The following CROT variants were observed in gnomAD, a reference collection of about 807,000 sequenced individuals.
CROT encodes peroxisomal carnitine O-octanoyltransferase.
Under a neutral mutation model 89.2 loss-of-function variants are expected in CROT, and 84 were observed. The ratio of observed to expected loss-of-function variants is 0.94; its 90% CI spans 0.79 to 1.13. The LOEUF is 1.13. Ranked by LOEUF, CROT falls within the 50% of genes most tolerant of loss-of-function variation. CROT has a pLI of 0.00. For missense variants in CROT, 711 were observed against 727.8 expected (o/e 0.98, Z 0.27); for synonymous variants, 212 against 239.5 (o/e 0.89, Z 1.06).
intron 9 of CROT, among the ~76,000 whole-genome samples, chr7:87,377,120 A>G (rs926384817): frequency 5.9e-5 from 9 of 152,120 alleles, no homozygotes; most frequent in Admixed American, 1.3e-4. Flanking sequence ...CTTTTCTGGT[A>G]GGATTTTCTT....
intron 7 of CROT, among the ~76,000 whole-genome samples, chr7:87,372,077 C>A (rs189922484): frequency 6.7e-6 from 1 of 149,718 alleles, no homozygotes; most frequent in African/African-American, 2.5e-5. Flanking sequence ...CATTGTTGTT[C>A]GAATTGGCAT....
chr7:87,345,771 C>A lies in CROT; in HGVS notation c.-113+4C>A, dbSNP rs1452380574. The A allele has an allele frequency of 3.4e-6, 1 of 290,912 alleles. No homozygotes were observed. The highest frequency in any genetic ancestry group is 1.7e-4 in the South Asian group (1 of 6,048). 18.0% of individuals were successfully genotyped at this position (290,912 alleles called of 1,614,324 possible). On this transcript the variant is annotated splice_donor_region_variant and intron_variant, in intron 1 of 17. Transcript: ENST00000331536. ...CGCGGGCGGTGAGGACGGACAGGTCCGTTGAAGCAGCATTCCCTCCCTCCC... is the reference window on the plus strand; with the variant it reads ...CGCGGGCGGTGAGGACGGACAGGTCAGTTGAAGCAGCATTCCCTCCCTCCC...
chr7:87,367,932 C>T (rs1468789472), intron 6 of CROT, among the ~76,000 whole-genome samples: 1 of 152,178 alleles, frequency 6.6e-6, no homozygotes, highest in African/African-American at 2.4e-5. Flanking sequence ...AATCTGTTCT[C>T]CATGTAACAG....
At chr7:87,373,292 T>G (rs1806698493) in intron 7 of CROT, among the ~76,000 whole-genome samples, 1 of 152,164 alleles carries the variant, frequency 6.6e-6, no homozygotes, top group Non-Finnish European at 1.5e-5. Context: ...AGTTTGTTTT[T>G]TTATTATTGA....
intron 3 of CROT, among the ~76,000 whole-genome samples, chr7:87,358,173 G>A (rs1211912560): frequency 6.6e-6 from 1 of 152,062 alleles, no homozygotes. Flanking sequence ...GCTGACCCAT[G>A]TGTATTAGAA....
intron 3 of CROT, among the ~76,000 whole-genome samples, 156 bp from the exon 4 acceptor site, chr7:87,359,050 A>G (rs1325219472): frequency 2.0e-5 from 3 of 152,124 alleles, no homozygotes; most frequent in Non-Finnish European, 2.9e-5. Context: ...CGCCACTTTC[A>G]TGTTGTCAAC....
chr7:87,372,235 A>T lies in CROT; in HGVS notation c.656+2751A>T, dbSNP rs79346825. Among the ~76,000 whole-genome samples the T allele has an allele frequency of 9.2e-3, 1,397 of 152,272 alleles. 48 individuals carry two copies. Among genetic ancestry groups the T allele is most frequent in the Admixed American group, 0.064 (981 of 15,302 alleles). On this transcript the variant is annotated intron_variant, in intron 7 of 17. Coordinates refer to ENST00000331536, the MANE Select transcript of CROT (RefSeq NM_021151.4). The stretch of plus-strand genomic sequence containing the variant: ...TAGCAATTATTTATATAGTCTCTAC[A>T]TTAATCTTTTATACATTATGTGTGT...
chr7:87,376,204 T>C lies in CROT; in HGVS notation c.876+251T>C, dbSNP rs116127749. Among the ~76,000 whole-genome samples the C allele has an allele frequency of 3.7e-3, 567 of 152,248 alleles. 3 individuals are homozygous for C. Among genetic ancestry groups the C allele is most frequent in the African/African-American group, 0.013 (538 of 41,564 alleles). ...AAGAAGTATGACTTTGCATATCACA[T>C]ATCAGTGTTGCTCAACCTTTTCATT... is the stretch of plus-strand genomic sequence containing the variant. On this transcript the variant is annotated intron_variant, in intron 9 of 17. Coordinates refer to ENST00000331536, the MANE Select transcript of CROT (RefSeq NM_021151.4).
chr7:87,384,271 C>T (rs1487437604), intron 13 of CROT, among the ~76,000 whole-genome samples: 1 of 152,192 alleles, frequency 6.6e-6, no homozygotes, highest in Admixed American at 6.5e-5. Context: ...ATGGCTCACA[C>T]CTGTAGTCCC....
chr7:87,379,124 G>C (rs1264671045), intron 10 of CROT, among the ~76,000 whole-genome samples: 1 of 152,102 alleles, frequency 6.6e-6, no homozygotes, highest in Non-Finnish European at 1.5e-5. Context: ...TTTGTAAGGT[G>C]GTTAACTGCC....
rs1251118057 is a variant in CROT at position 87,392,954 on chromosome 7, A to T, written c.1605A>T (p.Gly535=). ...CTTTTATTGTGCCACACAGCGGAGG[A>T]GGTGGAAATTTTGTTCTCTCAACAA... ...FTDPLFSKSG[G]GGNFVLSTSL... is the part of the protein sequence containing the mutation. Residue 535 remains glycine (G), a synonymous_variant, in exon 17 of 18, where the codon GGA becomes GGT. Coordinates refer to ENST00000331536, the MANE Select transcript of CROT (RefSeq NM_021151.4). 1 of 1,613,584 alleles carries T rather than the reference A, an allele frequency of 6.2e-7. No homozygotes were observed.
chr7:87,392,218 A>G (rs1330400623), intron 14 of CROT, among the ~76,000 whole-genome samples: 1 of 152,130 alleles, frequency 6.6e-6, no homozygotes, highest in Non-Finnish European at 1.5e-5. Context: ...GTGGTTATAT[A>G]TGAGTGCCTG....
intron 13 of CROT, 109 bp downstream of exon 13, chr7:87,382,652 G>C (rs919215804): frequency 2.7e-6 from 3 of 1,097,056 alleles, no homozygotes; most frequent in South Asian, 1.6e-5. Context: ...TTTTTTCCCA[G>C]CTGGTACTGT....
At chr7:87,392,516 T>G in intron 14 of CROT, 50 bp from the exon 15 acceptor site, 1 of 1,419,254 alleles carries the variant, frequency 7.0e-7, no homozygotes, top group Non-Finnish European at 9.8e-7. Context: ...TTTTTTCTAG[T>G]TGGGTTTTGC....
intron 10 of CROT, 79 bp from the exon 11 acceptor site, chr7:87,381,831 C>A: frequency 1.1e-6 from 1 of 945,282 alleles, no homozygotes; most frequent in Non-Finnish European, 1.6e-6. Flanking sequence ...TAAGAATGGA[C>A]ACAAAGTGAA....
Position 87,381,858 on chromosome 7 carries a change from A to G in CROT, c.979-52A>G, listed in dbSNP as rs1205093167. The G allele has an allele frequency of 1.2e-5, 15 of 1,264,998 alleles. No individual in the cohort carries two copies. The East Asian group carries it at 3.3e-4, about 28-fold the overall frequency. The allele number at this position is 1,264,998 out of a possible 1,614,324, so 78.4% of individuals were successfully genotyped here. The stretch of plus-strand genomic sequence containing the variant: ...CAAAGTGAAAATAAAATATTGGGTC[A>G]AGTTTTAAGTTGACATAAAGTATTC... On this transcript the variant is annotated intron_variant, in intron 10 of 17. Transcript: ENST00000331536.
chr7:87,389,821 T>A (rs1248958317), intron 13 of CROT, among the ~76,000 whole-genome samples: 1 of 71,360 alleles, frequency 1.4e-5, no homozygotes, highest in African/African-American at 3.1e-5. Context: ...AAATCCAGTT[T>A]TTGTTGTTGT....
intron 2 of CROT, among the ~76,000 whole-genome samples, chr7:87,347,820 G>A (rs1805738024): frequency 6.6e-6 from 1 of 152,100 alleles, no homozygotes. Flanking sequence ...TACCTAGCAG[G>A]TAGTAAAAAG....
intron 6 of CROT, among the ~76,000 whole-genome samples, chr7:87,363,939 A>T (rs1478722866): frequency 6.6e-6 from 1 of 152,180 alleles, no homozygotes; most frequent in African/African-American, 2.4e-5. Flanking sequence ...GTTGTAAGAT[A>T]TAAGAGAAAA....
Sources: allele counts gnomAD v4.1 joint callset (sites outside exome capture counted in the v4.1 genomes callset), GRCh38; gene constraint gnomAD v4.1.1; transcripts MANE v1.5; gene names NCBI Gene and HGNC (gene_info 2026-07-23, HGNC 2026-07-21).